The following ZNF365 variants were observed in gnomAD, a reference collection of about 807,000 sequenced individuals.
The protein encoded by ZNF365 is zinc finger protein 365, also known as protein ZNF365.
ZNF365 carries 22 observed loss-of-function variants against 35.0 expected under a neutral mutation model. The ratio of observed to expected loss-of-function variants is 0.63; its 90% CI spans 0.45 to 0.90. ZNF365 has a LOEUF of 0.90. Among genes scored for constraint, ZNF365 ranks in the 40% least tolerant of loss-of-function variants. The pLI, the probability that ZNF365 is intolerant of heterozygous loss-of-function variation, is 0.00. For synonymous variants in ZNF365, 188 were observed against 196.2 expected (o/e 0.96, Z 0.35); for missense variants, 448 against 500.3 (o/e 0.90, Z 1.00).
chr10:62,443,836 T>C (rs1029308283), intron 3 of ZNF365, among the ~76,000 whole-genome samples: 1 of 152,254 alleles, frequency 6.6e-6, no homozygotes, highest in East Asian at 1.9e-4. Context: ...AATGTCCCTG[T>C]GACCAGTAAA....
At chr10:62,419,706 C>T (rs1398889764) in intron 3 of ZNF365, among the ~76,000 whole-genome samples, 5 of 152,108 alleles carry the variant, frequency 3.3e-5, no homozygotes, top group Admixed American at 6.6e-5. Context: ...TGGCTCAAAG[C>T]GGGGAGTAGG....
At chr10:62,387,396 C>G (rs1839543317) in intron 2 of ZNF365, among the ~76,000 whole-genome samples, 1 of 152,028 alleles carries the variant, frequency 6.6e-6, no homozygotes, top group Admixed American at 6.6e-5. Flanking sequence ...TTCAGGTGAT[C>G]TTTCCTTTTT....
chr10:62,428,745 C>G (rs1215024327), intron 3 of ZNF365, among the ~76,000 whole-genome samples: 1 of 152,180 alleles, frequency 6.6e-6, no homozygotes, highest in East Asian at 1.9e-4. Flanking sequence ...CAACCCCATA[C>G]TGAGTAAAAA....
intron 4 of ZNF365, among the ~76,000 whole-genome samples, chr10:62,461,018 C>A (rs1840838565): frequency 6.6e-6 from 1 of 152,188 alleles, no homozygotes; most frequent in Admixed American, 6.5e-5. Context: ...GTCTGCAGAT[C>A]TTCTCCGTCC....
rs1293160237 is a variant in ZNF365 at position 62,399,564 on chromosome 10, T to C, written c.999T>C (p.Pro333=). ...RGHPHSVCNH[P]DLKAHFHPKG... ...ACCCGCATTCGGTATGTAACCACCCTGATCTCAAGGCCCATTTCCACCCAA... is the reference window on the plus strand; with the variant it reads ...ACCCGCATTCGGTATGTAACCACCCCGATCTCAAGGCCCATTTCCACCCAA... Residue 333 remains proline, a synonymous_variant, in exon 5 of 5, where the codon CCT becomes CCC. Transcript: ENST00000395254. The C allele has an allele frequency of 6.2e-7, 1 of 1,613,994 alleles. No homozygotes were observed. The highest frequency in any genetic ancestry group is 1.3e-5 in the African/African-American group (1 of 74,908).
intron 3 of ZNF365, among the ~76,000 whole-genome samples, chr10:62,445,958 A>T (rs1840580742): frequency 6.6e-6 from 1 of 152,094 alleles, no homozygotes; most frequent in South Asian, 2.1e-4. Flanking sequence ...GTCTTGTCTC[A>T]TCGGATACCT....
chr10:62,408,677 T>C (rs1839940293), intron 3 of ZNF365, among the ~76,000 whole-genome samples: 1 of 152,132 alleles, frequency 6.6e-6, no homozygotes, highest in African/African-American at 2.4e-5. Context: ...TAACAGCATC[T>C]GTTGGGGGAT....
At chr10:62,390,076 A>G (rs1044021432) in intron 3 of ZNF365, among the ~76,000 whole-genome samples, 2 of 151,958 alleles carry the variant, frequency 1.3e-5, no homozygotes, top group African/African-American at 4.8e-5. Flanking sequence ...TTGGGGCATG[A>G]GGTTATGGTG....
At chr10:62,458,250 C>T (rs1840792062) in intron 3 of ZNF365, among the ~76,000 whole-genome samples, 2 of 152,176 alleles carry the variant, frequency 1.3e-5, no homozygotes, top group Non-Finnish European at 2.9e-5. Flanking sequence ...TTTCTGCAGC[C>T]TCCTCCTGAG....
intron 3 of ZNF365, among the ~76,000 whole-genome samples, chr10:62,389,210 G>A (rs1334968907): frequency 6.9e-6 from 1 of 145,148 alleles, no homozygotes; most frequent in East Asian, 2.1e-4. Context: ...TAGGGGGCTT[G>A]ATCAGGATTC....
chr10:62,440,488 A>G (rs184933292), intron 3 of ZNF365, among the ~76,000 whole-genome samples: 16 of 152,048 alleles, frequency 1.1e-4, no homozygotes, highest in Non-Finnish European at 1.6e-4. Context: ...TTTTTCTTCT[A>G]TCTTTATGTC....
At chr10:62,464,757 G>A (rs1244540924) in intron 4 of ZNF365, among the ~76,000 whole-genome samples, 5 of 152,180 alleles carry the variant, frequency 3.3e-5, no homozygotes, top group Non-Finnish European at 5.9e-5. Context: ...TCACTTTATG[G>A]ATCCTCATGT....
chr10:62,473,611 G>A (rs912689824), intron 4 of ZNF365, among the ~76,000 whole-genome samples: 1 of 151,988 alleles, frequency 6.6e-6, no homozygotes, highest in African/African-American at 2.4e-5. Context: ...AAGACAAATA[G>A]TGTCTTCTTC....
At chr10:62,457,661 TTC>T (rs1316619938) in intron 3 of ZNF365, among the ~76,000 whole-genome samples, 4 of 152,230 alleles carry the variant, frequency 2.6e-5, no homozygotes. Flanking sequence ...TGTATAACAG[TTC>T]TCTTTCATGC....
At chr10:62,459,873 G>C in intron 4 of ZNF365, 2 of 1,330,538 alleles carry the variant, frequency 1.5e-6, no homozygotes, top group Non-Finnish European at 2.1e-6. Flanking sequence ...ATATGAGAGA[G>C]ACTGGAAGGG....
Position 62,387,447 on chromosome 10 carries a change from C to T in ZNF365, c.744-949C>T, listed in dbSNP as rs76501580. 4.9e-3 allele frequency among the ~76,000 whole-genome samples: 748 copies of T among 151,988 alleles called. 5 individuals are homozygous for T. Among genetic ancestry groups the T allele is most frequent in the African/African-American group, 0.017 (715 of 41,424 alleles). On this transcript the variant is annotated intron_variant, in intron 2 of 4. Transcript: ENST00000395254. ...TTATTTGAATTTTTTAAATAAAGAG[C>T]TTATTTATAAATCAGAAAAAAATAC...
intron 3 of ZNF365, among the ~76,000 whole-genome samples, chr10:62,442,443 C>T (rs149480406): frequency 6.5e-4 from 99 of 152,120 alleles, no homozygotes; most frequent in African/African-American, 2.3e-3. Flanking sequence ...TGCAAAATCG[C>T]GGATATTTAA....
intron 3 of ZNF365, among the ~76,000 whole-genome samples, chr10:62,434,322 A>C (rs1421231149): frequency 6.6e-6 from 1 of 152,160 alleles, no homozygotes; most frequent in Non-Finnish European, 1.5e-5. Context: ...CAATCAAATG[A>C]AAAACAAATC....
chr10:62,411,730 C>T (rs1377621419), intron 3 of ZNF365, among the ~76,000 whole-genome samples: 7 of 152,036 alleles, frequency 4.6e-5, no homozygotes, highest in Admixed American at 4.6e-4. Context: ...CAGCTTTGTT[C>T]TTTTTGCTTA....
Sources: allele counts gnomAD v4.1 joint callset (sites outside exome capture counted in the v4.1 genomes callset), GRCh38; gene constraint gnomAD v4.1.1; transcripts MANE v1.5; gene names NCBI Gene and HGNC (gene_info 2026-07-23, HGNC 2026-07-21).